NELL1: variants seen among roughly 807,000 people sequenced by gnomAD.
The protein encoded by NELL1 is protein kinase C-binding protein NELL1.
NELL1 carries 76 observed loss-of-function variants against 107.4 expected under a neutral mutation model. The ratio of observed to expected loss-of-function variants is 0.71; its 90% CI spans 0.59 to 0.86. NELL1 has a LOEUF of 0.86. NELL1 is among the 40% of genes least tolerant of loss of function. The probability of loss-of-function intolerance (pLI) is 0.00; values close to 1 mark genes in which losing one functional copy is unlikely to be tolerated. For missense variants in NELL1, 1,024 were observed against 1,005.5 expected, an observed-to-expected ratio of 1.02 and a Z score of -0.25; for synonymous variants, 353 against 341.2, an observed-to-expected ratio of 1.03 and a Z score of -0.38.
intron 16 of NELL1, among the ~76,000 whole-genome samples, chr11:21,542,974 G>A (rs891023845): frequency 2.8e-4 from 43 of 151,878 alleles, no homozygotes; most frequent in Non-Finnish European, 3.5e-4. Flanking sequence ...ATTCATAATC[G>A]TCAAGAAGTA....
chr11:21,484,585 T>C (rs1854579370), intron 15 of NELL1, among the ~76,000 whole-genome samples: 1 of 152,040 alleles, frequency 6.6e-6, no homozygotes, highest in Non-Finnish European at 1.5e-5. Flanking sequence ...TATGGATATG[T>C]ATATTTGTGT....
intron 15 of NELL1, among the ~76,000 whole-genome samples, chr11:21,493,906 G>A (rs1326717586): frequency 6.6e-6 from 1 of 151,844 alleles, no homozygotes; most frequent in Non-Finnish European, 1.5e-5. Flanking sequence ...ATATTGATAT[G>A]CCGTGGTGTG....
At chr11:20,895,410 G>A (rs1459236569) in intron 5 of NELL1, among the ~76,000 whole-genome samples, 1 of 140,090 alleles carries the variant, frequency 7.1e-6, no homozygotes, top group Admixed American at 7.6e-5. Flanking sequence ...CCCAGTCTCT[G>A]TTATCTGTCT....
intron 15 of NELL1, among the ~76,000 whole-genome samples, chr11:21,478,518 G>T (rs977667110): frequency 6.6e-6 from 1 of 152,044 alleles, no homozygotes; most frequent in African/African-American, 2.4e-5. Context: ...TCAAATGCAG[G>T]TAATAAAATC....
intron 13 of NELL1, among the ~76,000 whole-genome samples, chr11:21,147,836 CAA>C (rs35688285): frequency 0.01 from 291 of 28,760 alleles, no homozygotes; most frequent in African/African-American, 0.032. Flanking sequence ...AACTCCGTCT[CAA>C]AAAAAAAAAA....
intron 19 of NELL1, 87 bp downstream of exon 19, chr11:21,573,496 A>T (rs527861739): frequency 1.9e-5 from 22 of 1,141,980 alleles, no homozygotes; most frequent in African/African-American, 1.7e-4. Flanking sequence ...TTCTGAATAC[A>T]CAGGTTCAAT....
chr11:21,514,795 C>A (rs2133948314), intron 15 of NELL1, among the ~76,000 whole-genome samples: 1 of 151,082 alleles, frequency 6.6e-6, no homozygotes, highest in Non-Finnish European at 1.5e-5. Context: ...CAAGAAAGCC[C>A]TGCCTTATGG....
At chr11:20,755,876 T>G (rs11025742) in intron 2 of NELL1, among the ~76,000 whole-genome samples, 46 of 4,850 alleles carry the variant, frequency 9.5e-3, no homozygotes, top group South Asian at 0.068. Context: ...TTTTTTTTTT[T>G]TTTTTTTTTT....
rs909820486 is a variant in NELL1, at chr11:20,798,642, C to G, written c.335+14812C>G. ...TGTTGCTGATGAAAGATAGATTTAACTCCTGACTTGCTGATTTCTGGGTGA... is the reference window on the plus strand; with the variant it reads ...TGTTGCTGATGAAAGATAGATTTAAGTCCTGACTTGCTGATTTCTGGGTGA... On this transcript the variant is annotated intron_variant, in intron 3 of 19. Transcript: ENST00000357134. Among the ~76,000 whole-genome samples, 7 of 152,292 alleles carry G rather than the reference C, an allele frequency of 4.6e-5. No homozygotes were observed. In the South Asian group the frequency reaches 1.2e-3, roughly 27 times the overall value.
intron 14 of NELL1, among the ~76,000 whole-genome samples, chr11:21,334,096 G>T (rs541884685): frequency 6.6e-5 from 10 of 152,072 alleles, no homozygotes; most frequent in African/African-American, 2.4e-4. Context: ...CACTGTGTTT[G>T]GTACTGAGGA....
At chr11:21,369,322 A>G (rs991274696) in intron 14 of NELL1, among the ~76,000 whole-genome samples, 9 of 145,998 alleles carry the variant, frequency 6.2e-5, no homozygotes, top group African/African-American at 2.3e-4. Context: ...TGTATTTTAT[A>G]TATTTCGTTT....
intron 13 of NELL1, among the ~76,000 whole-genome samples, chr11:21,195,093 T>G (rs992824757): frequency 2.1e-4 from 32 of 152,154 alleles, no homozygotes; most frequent in African/African-American, 6.5e-4. Flanking sequence ...GGAAAAAAAT[T>G]ATTACCTTTC....
chr11:20,800,678 G>A (rs1857264499), intron 3 of NELL1, among the ~76,000 whole-genome samples: 1 of 152,146 alleles, frequency 6.6e-6, no homozygotes, highest in South Asian at 2.1e-4. Flanking sequence ...CCTGAGAGGT[G>A]GAGAGCCTCA....
chr11:21,097,102 A>G (rs1486224939), intron 12 of NELL1, among the ~76,000 whole-genome samples: 1 of 151,998 alleles, frequency 6.6e-6, no homozygotes, highest in Non-Finnish European at 1.5e-5. Flanking sequence ...AGAATCTTTC[A>G]GCCCAAAGTT....
At chr11:21,104,551 T>C (rs1854900957) in intron 12 of NELL1, among the ~76,000 whole-genome samples, 1 of 152,250 alleles carries the variant, frequency 6.6e-6, no homozygotes, top group African/African-American at 2.4e-5. Flanking sequence ...TCCAACACTC[T>C]AATTTGTATT....
chr11:21,333,360 A>T (rs1392748466), intron 14 of NELL1, among the ~76,000 whole-genome samples: 1 of 152,024 alleles, frequency 6.6e-6, no homozygotes, highest in African/African-American at 2.4e-5. Context: ...AATGTAGGTA[A>T]ACCATTCTTG....
chr11:21,179,318 T>C (rs1346984423), intron 13 of NELL1, among the ~76,000 whole-genome samples: 3 of 151,946 alleles, frequency 2.0e-5, no homozygotes, highest in African/African-American at 7.3e-5. Flanking sequence ...TGAAACACAA[T>C]GAGAGAGTGG....
At chr11:21,557,530 TATACTTCC>T (rs1212897682) in intron 16 of NELL1, among the ~76,000 whole-genome samples, 1 of 152,032 alleles carries the variant, frequency 6.6e-6, no homozygotes, top group Non-Finnish European at 1.5e-5. Flanking sequence ...GGGTTGAAGT[TATACTTCC>T]AGACAATTTC....
At chr11:20,686,958 A>G (rs2133860684) in intron 2 of NELL1, among the ~76,000 whole-genome samples, 1 of 148,270 alleles carries the variant, frequency 6.7e-6, no homozygotes, top group Non-Finnish European at 1.5e-5. Flanking sequence ...AATAGAGGTT[A>G]GAGTAGAGGG....
Sources: allele counts gnomAD v4.1 joint callset (sites outside exome capture counted in the v4.1 genomes callset), GRCh38; gene constraint gnomAD v4.1.1; transcripts MANE v1.5; gene names NCBI Gene and HGNC (gene_info 2026-07-23, HGNC 2026-07-21).